TXLNB: variants seen among roughly 807,000 people sequenced by gnomAD.
TXLNB encodes the protein taxilin beta.
In TXLNB, 37 loss-of-function variants were observed where a neutral mutation model predicts 57.4. That is an observed-to-expected ratio of 0.64 (90% CI 0.50 to 0.85). The LOEUF is 0.85. TXLNB is among the 40% of genes least tolerant of loss of function. The probability of loss-of-function intolerance (pLI) is 0.00; values close to 1 mark genes in which losing one functional copy is unlikely to be tolerated. For synonymous variants in TXLNB, 302 were observed against 309.6 expected, an observed-to-expected ratio of 0.98 and a Z score of 0.26; for missense variants, 848 against 825.6, an observed-to-expected ratio of 1.03 and a Z score of -0.33.
chr6:139,280,251 T>TAAAAAAAAAA (rs11313271), intron 2 of TXLNB, among the ~76,000 whole-genome samples: 1 of 78,214 alleles, frequency 1.3e-5, no homozygotes, highest in Non-Finnish European at 2.6e-5. Flanking sequence ...ACTCTCTCTC[T>TAAAAAAAAAA]AAAAAAAAAA....
At chr6:139,258,492 T>C (rs1452981417) in intron 6 of TXLNB, among the ~76,000 whole-genome samples, 7 of 152,250 alleles carry the variant, frequency 4.6e-5, no homozygotes, top group African/African-American at 1.4e-4. Context: ...TTTCATAAAT[T>C]AATCTTTTTC....
intron 4 of TXLNB, among the ~76,000 whole-genome samples, chr6:139,266,667 G>A (rs1776622740): frequency 6.6e-6 from 1 of 152,106 alleles, no homozygotes; most frequent in African/African-American, 2.4e-5. Flanking sequence ...TGGAGAGAAA[G>A]TGGAGCAGAA....
the TXLNB span, among the ~76,000 whole-genome samples, chr6:139,160,462 C>G: frequency 6.6e-6 from 1 of 152,262 alleles, no homozygotes; most frequent in South Asian, 2.1e-4. Context: ...AGTTTGGAGA[C>G]AAGGTTTCAC....
rs1775991424 is a variant in TXLNB, at chr6:139,243,132, A to G, written c.1449T>C (p.Ser483=). Residue 483 remains serine, a synonymous_variant, in exon 10 of 10, where the codon TCT becomes TCC. Transcript: ENST00000358430. The part of the protein sequence containing the change: ...NSDEEPESNV[S]VDQEIDAEEV... ...CCTCTGCGTCAATCTCTTGATCCAC[A>G]GAGACGTTTGACTCTGGCTCTTCAT... 13 of 1,614,162 alleles carry G rather than the reference A, an allele frequency of 8.1e-6. No individual in the cohort carries two copies. In the East Asian group the frequency reaches 2.5e-4, roughly 30 times the overall value.
intron 2 of TXLNB, among the ~76,000 whole-genome samples, chr6:139,282,518 A>C (rs919550460): frequency 1.4e-5 from 2 of 145,506 alleles, no homozygotes; most frequent in Admixed American, 6.7e-5. Flanking sequence ...TGGAAGTTGC[A>C]GTGAGCTGAG....
chr6:139,260,680 T>C (rs1275208400), intron 5 of TXLNB, among the ~76,000 whole-genome samples: 13 of 152,138 alleles, frequency 8.5e-5, no homozygotes, highest in Admixed American at 8.5e-4. Context: ...AGTTCAGCAG[T>C]GTCAATGCCA....
chr6:139,309,661 A>G, the TXLNB span, among the ~76,000 whole-genome samples: 1 of 152,192 alleles, frequency 6.6e-6, no homozygotes, highest in African/African-American at 2.4e-5. Context: ...ACAGTGGCTC[A>G]TACCTGTAAT....
chr6:139,310,901 G>A, the TXLNB span, among the ~76,000 whole-genome samples: 1 of 152,094 alleles, frequency 6.6e-6, no homozygotes, highest in South Asian at 2.1e-4. Context: ...CACCATGTTG[G>A]CCAGGTGGAT....
chr6:139,271,102 C>T (rs556061384), intron 3 of TXLNB, among the ~76,000 whole-genome samples: 28 of 152,160 alleles, frequency 1.8e-4, no homozygotes, highest in Admixed American at 5.2e-4. Context: ...AATGCAGCCT[C>T]CTGGTAAACA....
chr6:139,175,846 A>G, the TXLNB span, among the ~76,000 whole-genome samples: 1 of 152,234 alleles, frequency 6.6e-6, no homozygotes, highest in East Asian at 1.9e-4. Flanking sequence ...GGTATTCACC[A>G]TGCACTGTAT....
the TXLNB span, among the ~76,000 whole-genome samples, chr6:139,219,936 A>C: frequency 6.6e-6 from 1 of 152,200 alleles, no homozygotes; most frequent in African/African-American, 2.4e-5. Context: ...TGCGGTTTAG[A>C]AAATATGGTC....
At chr6:139,248,497 CA>C (rs376513884) in intron 7 of TXLNB, among the ~76,000 whole-genome samples, 98 of 109,562 alleles carry the variant, frequency 8.9e-4, no homozygotes, top group Non-Finnish European at 8.0e-4. Flanking sequence ...ACTCTGTCTC[CA>C]AAAAAAAAAA....
At chr6:139,194,286 C>T in the TXLNB span, among the ~76,000 whole-genome samples, 4 of 152,104 alleles carry the variant, frequency 2.6e-5, no homozygotes, top group Non-Finnish European at 5.9e-5. Flanking sequence ...ATGGCCAAGA[C>T]CAAAGTCAAT....
the TXLNB span, among the ~76,000 whole-genome samples, chr6:139,221,397 C>T: frequency 2.0e-5 from 3 of 152,168 alleles, no homozygotes; most frequent in Non-Finnish European, 4.4e-5. Flanking sequence ...TCCATCTTAA[C>T]TGCCTGCTGG....
the TXLNB span, chr6:139,200,203 T>C: frequency 0.72 from 109,316 of 152,092 alleles, 40,644 homozygotes; most frequent in African/African-American, 0.87. Flanking sequence ...CTTCTACACT[T>C]GCGGCCAGAT....
the TXLNB span, among the ~76,000 whole-genome samples, chr6:139,196,084 T>C: frequency 7.9e-5 from 12 of 152,046 alleles, no homozygotes; most frequent in Non-Finnish European, 1.3e-4. Flanking sequence ...CAGCAGCAAA[T>C]ATTTTCTTTG....
the TXLNB span, among the ~76,000 whole-genome samples, chr6:139,297,145 T>A: frequency 6.6e-6 from 1 of 152,158 alleles, no homozygotes; most frequent in Admixed American, 6.5e-5. Context: ...CTAGTCCTCA[T>A]CCGTTGTGGT....
At chr6:139,189,612 C>T in the TXLNB span, among the ~76,000 whole-genome samples, 2 of 152,114 alleles carry the variant, frequency 1.3e-5, no homozygotes, top group African/African-American at 4.8e-5. Flanking sequence ...TAGAGATGTG[C>T]TCTTTTTGAA....
the TXLNB span, among the ~76,000 whole-genome samples, chr6:139,221,401 CT>C: frequency 6.6e-6 from 1 of 152,142 alleles, no homozygotes; most frequent in South Asian, 2.1e-4. Flanking sequence ...TCTTAACTGC[CT>C]GCTGGAAGCT....
Sources: allele counts gnomAD v4.1 joint callset (sites outside exome capture counted in the v4.1 genomes callset), GRCh38; gene constraint gnomAD v4.1.1; transcripts MANE v1.5; gene names NCBI Gene and HGNC (gene_info 2026-07-23, HGNC 2026-07-21).